CDH8: variants seen among roughly 807,000 people sequenced by gnomAD.
CDH8 encodes cadherin-8.
Under a neutral mutation model 68.1 loss-of-function variants are expected in CDH8, and 17 were observed. The ratio of observed to expected loss-of-function variants is 0.25; its 90% CI spans 0.17 to 0.37. CDH8 has a LOEUF of 0.37. Among genes scored for constraint, CDH8 ranks in the 10% least tolerant of loss-of-function variants. The pLI is 1.00. For missense variants in CDH8, 763 were observed against 999.3 expected, an observed-to-expected ratio of 0.76 and a Z score of 3.19; for synonymous variants, 372 against 365.1, an observed-to-expected ratio of 1.02 and a Z score of -0.21.
intron 3 of CDH8, among the ~76,000 whole-genome samples, chr16:61,885,248 G>C (rs2407972): frequency 0.54 from 82,135 of 151,988 alleles, 24,615 homozygotes; most frequent in African/African-American, 0.82. Context: ...TGGTGCTATT[G>C]TGAATTTTTA....
intron 2 of CDH8, among the ~76,000 whole-genome samples, chr16:61,902,024 T>C (rs1963983310): frequency 6.6e-6 from 1 of 150,780 alleles, no homozygotes. Context: ...CTGCCTGTGA[T>C]GTTTATACAA....
In CDH8 at chr16:61,647,488, G is replaced by T; in HGVS notation, c.*6120C>A. On this transcript the variant is annotated 3_prime_UTR_variant, in exon 12 of 12. Coordinates refer to ENST00000577390, the MANE Select transcript of CDH8 (RefSeq NM_001796.5). ...GAAAGGTGGGGGGGGTGATCCCAGTGACTCCTAAATTGTCATGTTCCATCT... is the reference window on the plus strand; with the variant it reads ...GAAAGGTGGGGGGGGTGATCCCAGTTACTCCTAAATTGTCATGTTCCATCT... The T allele has an allele frequency of 7.8e-6, 2 of 256,202 alleles. No individual in the cohort carries two copies. The highest frequency in any genetic ancestry group is 7.4e-6 in the Non-Finnish European group (1 of 135,630). 15.9% of individuals were successfully genotyped at this position (256,202 alleles called of 1,614,324 possible).
At chr16:61,660,015 C>G (rs1360702271) in intron 10 of CDH8, among the ~76,000 whole-genome samples, 1 of 152,044 alleles carries the variant, frequency 6.6e-6, no homozygotes, top group Non-Finnish European at 1.5e-5. Context: ...CAAGGAGAGC[C>G]CTGCCCAAAC....
intron 2 of CDH8, among the ~76,000 whole-genome samples, chr16:61,930,299 A>AC (rs954425168): frequency 3.3e-5 from 5 of 151,862 alleles, no homozygotes; most frequent in Non-Finnish European, 7.4e-5. Flanking sequence ...ACACACACAC[A>AC]CACACACCCC....
intron 7 of CDH8, among the ~76,000 whole-genome samples, chr16:61,801,752 T>A (rs1961644296): frequency 1.3e-5 from 2 of 152,206 alleles, no homozygotes; most frequent in South Asian, 4.1e-4. Flanking sequence ...ATTGCCCTTT[T>A]CAGACCGGCT....
At position 61,650,180 on chromosome 16, in the gene CDH8, T is replaced by C. The variant is rs1963289062; in HGVS notation, c.*3428A>G. 1 of 152,122 alleles carries C rather than the reference T, an allele frequency of 6.6e-6. No individual in the cohort carries two copies. Among genetic ancestry groups the C allele is most frequent in the African/African-American group, 2.4e-5 (1 of 41,422 alleles). The allele number at this position is 152,122 out of a possible 1,614,324, so 9.4% of individuals were successfully genotyped here. ...AATGTTTAGAAACTTATAACTATAC[T>C]CATAAAAATATTGTTAAGAAATGCC... On this transcript the variant is annotated 3_prime_UTR_variant, in exon 12 of 12. Transcript: ENST00000577390.
chr16:61,903,979 C>T (rs555304120), intron 2 of CDH8, among the ~76,000 whole-genome samples: 6 of 152,042 alleles, frequency 3.9e-5, no homozygotes, highest in South Asian at 2.1e-4. Context: ...GAGGTATATA[C>T]GTCCTCTTTC....
At chr16:62,030,647 T>C (rs1353256758) in intron 1 of CDH8, among the ~76,000 whole-genome samples, 1 of 152,018 alleles carries the variant, frequency 6.6e-6, no homozygotes, top group Non-Finnish European at 1.5e-5. Context: ...TTAATCTATC[T>C]AGAGAGAAAA....
chr16:61,955,011 G>T lies in CDH8; in HGVS notation c.253-53538C>A, dbSNP rs78707805. 8.0e-3 allele frequency among the ~76,000 whole-genome samples: 1,215 copies of T among 152,302 alleles called. 14 individuals are homozygous for T. Among genetic ancestry groups the T allele is most frequent in the African/African-American group, 0.028 (1,170 of 41,572 alleles). Reference sequence around the variant, plus strand: ...TGGGTATTGGATCCACTTCACAGATGTAGAAATGAAACAGAGTCAGGGAAA... The same window carrying T: ...TGGGTATTGGATCCACTTCACAGATTTAGAAATGAAACAGAGTCAGGGAAA... On this transcript the variant is annotated intron_variant, in intron 2 of 11. Transcript: ENST00000577390.
chr16:61,880,984 C>T (rs1244077507), intron 3 of CDH8, among the ~76,000 whole-genome samples: 8 of 151,152 alleles, frequency 5.3e-5, no homozygotes, highest in East Asian at 2.0e-4. Flanking sequence ...ACAAAGGAAC[C>T]GAGACCCTCA....
chr16:61,975,147 T>C (rs183145444), intron 2 of CDH8, among the ~76,000 whole-genome samples: 1 of 152,186 alleles, frequency 6.6e-6, no homozygotes, highest in East Asian at 1.9e-4. Flanking sequence ...CAAGAAGCCA[T>C]AAATCTCCTT....
chr16:61,792,672 G>A (rs1035353671), intron 7 of CDH8, among the ~76,000 whole-genome samples: 3 of 151,894 alleles, frequency 2.0e-5, no homozygotes, highest in African/African-American at 4.8e-5. Context: ...ATGAATACTC[G>A]CTTCTGAGTC....
At chr16:61,661,787 T>C (rs899836303) in intron 10 of CDH8, among the ~76,000 whole-genome samples, 7 of 151,768 alleles carry the variant, frequency 4.6e-5, no homozygotes, top group South Asian at 2.1e-4. Flanking sequence ...TCTGATCATA[T>C]TGGGGGTATT....
intron 10 of CDH8, among the ~76,000 whole-genome samples, chr16:61,687,025 A>G (rs8055238): frequency 0.058 from 8,876 of 151,958 alleles, 897 homozygotes; most frequent in African/African-American, 0.2. Context: ...ACTGTATGCA[A>G]ATTATATAAT....
At chr16:61,654,809 C>T (rs1004088054) in intron 11 of CDH8, among the ~76,000 whole-genome samples, 2 of 152,030 alleles carry the variant, frequency 1.3e-5, no homozygotes, top group South Asian at 2.1e-4. Context: ...TAACTGATAC[C>T]GTCTTTATGG....
At chr16:61,836,820 T>A (rs1287953583) in intron 4 of CDH8, among the ~76,000 whole-genome samples, 3 of 152,006 alleles carry the variant, frequency 2.0e-5, no homozygotes, top group Non-Finnish European at 4.4e-5. Context: ...AAGAGACTTA[T>A]AAAACATTGA....
At chr16:61,878,656 C>T (rs1963508771) in intron 3 of CDH8, among the ~76,000 whole-genome samples, 1 of 152,148 alleles carries the variant, frequency 6.6e-6, no homozygotes, top group Non-Finnish European at 1.5e-5. Context: ...TGAACACCTA[C>T]TTTATGCAAG....
chr16:61,994,248 G>A (rs1263233542), intron 2 of CDH8, among the ~76,000 whole-genome samples: 1 of 151,968 alleles, frequency 6.6e-6, no homozygotes, highest in African/African-American at 2.4e-5. Flanking sequence ...ATCCCATATT[G>A]TATTCAGAAT....
In CDH8 at chr16:61,948,997, C is replaced by T. The variant is rs137914142; in HGVS notation, c.253-47524G>A. 5.3e-5 allele frequency among the ~76,000 whole-genome samples: 8 copies of T among 152,276 alleles called. No homozygotes were observed. In the East Asian group the frequency reaches 1.5e-3, roughly 29 times the overall value. On this transcript the variant is annotated intron_variant, in intron 2 of 11. Transcript: ENST00000577390. ...AGTACCTACCGTGTGTATCTTATCT[C>T]ACATCTCTAAATTGGAGATACACAG...
Sources: allele counts gnomAD v4.1 joint callset (sites outside exome capture counted in the v4.1 genomes callset), GRCh38; gene constraint gnomAD v4.1.1; transcripts MANE v1.5; gene names NCBI Gene and HGNC (gene_info 2026-07-23, HGNC 2026-07-21).